The following RASA1 variants were observed in gnomAD, a reference collection of about 807,000 sequenced individuals.
RASA1 encodes the protein RAS p21 protein activator 1.
Under a neutral mutation model 132.2 loss-of-function variants are expected in RASA1, and 25 were observed. The observed-to-expected ratio is 0.19, with a 90% CI of 0.14 to 0.26. The LOEUF is 0.26. Among genes scored for constraint, RASA1 ranks in the 10% least tolerant of loss-of-function variants. The probability of loss-of-function intolerance (pLI) is 1.00; values close to 1 mark genes in which losing one functional copy is unlikely to be tolerated. For missense variants in RASA1, 964 were observed against 1,299.2 expected (o/e 0.74, Z 3.97); for synonymous variants, 477 against 449.9 (o/e 1.06, Z -0.76).
intron 1 of RASA1, among the ~76,000 whole-genome samples, chr5:87,281,812 C>T (rs1386554317): frequency 1.3e-5 from 2 of 152,082 alleles, no homozygotes; most frequent in Non-Finnish European, 2.9e-5. Context: ...AACTCCTGAC[C>T]TCAAGTAATC....
At chr5:87,337,833 A>T (rs1181406448) in intron 4 of RASA1, 141 bp from the exon 5 acceptor site, 8 of 834,006 alleles carry the variant, frequency 9.6e-6, no homozygotes, top group Non-Finnish European at 1.4e-5. Context: ...CAGAAATAGG[A>T]TACAAATTTA....
In RASA1 at chr5:87,391,461, G is replaced by A. The variant is rs1005187468; in HGVS notation, c.*578G>A. The A allele has an allele frequency of 8.3e-6, 2 of 240,882 alleles. No homozygotes were observed. Among genetic ancestry groups the A allele is most frequent in the African/African-American group, 4.4e-5 (2 of 45,288 alleles). The allele number at this position is 240,882 out of a possible 1,614,324, so 14.9% of individuals were successfully genotyped here. A position where few individuals can be genotyped will look rare whatever the true frequency, so the allele number is the denominator to read the frequency against. On this transcript the variant is annotated 3_prime_UTR_variant, in exon 25 of 25. Coordinates refer to ENST00000274376, the MANE Select transcript of RASA1 (RefSeq NM_002890.3). ...AAAATACTCTGCTATTTCTCTTGCT[G>A]GAACTGTTGAAAGAAAATATATAGA...
intron 1 of RASA1, among the ~76,000 whole-genome samples, chr5:87,313,687 TA>T (rs1756097176): frequency 6.6e-6 from 1 of 151,986 alleles, no homozygotes; most frequent in Non-Finnish European, 1.5e-5. Flanking sequence ...ATATTACAGA[TA>T]AGATAAAATG....
At chr5:87,309,504 T>C (rs1580226043) in intron 1 of RASA1, among the ~76,000 whole-genome samples, 1 of 152,226 alleles carries the variant, frequency 6.6e-6, no homozygotes, top group East Asian at 1.9e-4. Flanking sequence ...ACTGCCTTGC[T>C]CTTTTAAGTA....
chr5:87,354,856 C>T (rs528552077), intron 9 of RASA1, among the ~76,000 whole-genome samples: 12 of 152,246 alleles, frequency 7.9e-5, no homozygotes, highest in East Asian at 1.9e-4. Context: ...ACCCTTATTG[C>T]TGATATAGAG....
At chr5:87,274,517 T>G (rs901921417) in intron 1 of RASA1, among the ~76,000 whole-genome samples, 12 of 152,160 alleles carry the variant, frequency 7.9e-5, no homozygotes, top group Non-Finnish European at 1.6e-4. Context: ...TATTTTTTAC[T>G]GTATTTGTAT....
chr5:87,376,252 T>C, intron 15 of RASA1, 141 bp from the exon 16 acceptor site: 1 of 931,292 alleles, frequency 1.1e-6, no homozygotes, highest in Non-Finnish European at 1.6e-6. Flanking sequence ...AACTAAATAT[T>C]GAATTTGTGA....
intron 1 of RASA1, among the ~76,000 whole-genome samples, chr5:87,310,574 T>G (rs1370644875): frequency 1.3e-5 from 2 of 152,160 alleles, no homozygotes; most frequent in African/African-American, 4.8e-5. Context: ...TTCGTGATGG[T>G]CTTGTTTTTC....
intron 7 of RASA1, among the ~76,000 whole-genome samples, chr5:87,348,511 G>A (rs1211538873): frequency 6.6e-6 from 1 of 151,894 alleles, no homozygotes; most frequent in Non-Finnish European, 1.5e-5. Flanking sequence ...CCTTTCAGGA[G>A]CATACCTATT....
At chr5:87,370,902 A>G (rs988516168) in intron 12 of RASA1, among the ~76,000 whole-genome samples, 5 of 152,154 alleles carry the variant, frequency 3.3e-5, no homozygotes, top group Non-Finnish European at 5.9e-5. Context: ...ACTGAACGTC[A>G]TATTTCACAT....
At chr5:87,375,988 C>G (rs1761298905) in intron 15 of RASA1, among the ~76,000 whole-genome samples, 1 of 152,122 alleles carries the variant, frequency 6.6e-6, no homozygotes, top group Admixed American at 6.5e-5. Flanking sequence ...TTAGCTACAC[C>G]TCTAGATCTC....
At chr5:87,370,412 T>C (rs1166781515) in intron 12 of RASA1, among the ~76,000 whole-genome samples, 2 of 152,214 alleles carry the variant, frequency 1.3e-5, no homozygotes, top group Non-Finnish European at 2.9e-5. Flanking sequence ...TTATAGCGTC[T>C]ATTAAGTAAT....
At chr5:87,280,459 C>T (rs1480538391) in intron 1 of RASA1, among the ~76,000 whole-genome samples, 12 of 151,968 alleles carry the variant, frequency 7.9e-5, no homozygotes, top group African/African-American at 2.7e-4. Context: ...ATTACAGGCA[C>T]CTGCCACCAC....
rs114887864 is a variant in RASA1, at chr5:87,288,391, C to T, written c.539+19401C>T. ...GGCAGCAACGATGTCATCAAACCAA[C>T]TTGGAAAGAATTGTTTTCTCAGAGA... On this transcript the variant is annotated intron_variant, in intron 1 of 24. Transcript: ENST00000274376. Among the ~76,000 whole-genome samples the T allele has an allele frequency of 3.7e-3, 559 of 152,124 alleles. 5 individuals carry two copies. The highest frequency in any genetic ancestry group is 5.7e-3 in the Non-Finnish European group (389 of 67,960).
intron 1 of RASA1, chr5:87,318,906 T>C (rs1057497728): frequency 3.3e-5 from 5 of 152,190 alleles, no homozygotes; most frequent in Non-Finnish European, 5.9e-5. Context: ...GCCTGTAAAA[T>C]AAAAAACAAG....
At chr5:87,386,026 A>G (rs1326517581) in intron 22 of RASA1, among the ~76,000 whole-genome samples, 1 of 152,002 alleles carries the variant, frequency 6.6e-6, no homozygotes, top group Non-Finnish European at 1.5e-5. Context: ...GGCTTTTGCT[A>G]TGTGTTACAA....
At chr5:87,284,816 G>T (rs1242270666) in intron 1 of RASA1, among the ~76,000 whole-genome samples, 4 of 152,110 alleles carry the variant, frequency 2.6e-5, no homozygotes, top group Non-Finnish European at 5.9e-5. Context: ...TTAATATTAG[G>T]ATTCCTGAAT....
At position 87,330,021 on chromosome 5, in the gene RASA1, G is replaced by A. The variant is rs1228486243; in HGVS notation, c.540-1327G>A. ...AAGATTAGGATTTTAGAGGAATGCAGTATTGATTGTTCTTTCCCTTCTTCC... is the reference window on the plus strand; with the variant it reads ...AAGATTAGGATTTTAGAGGAATGCAATATTGATTGTTCTTTCCCTTCTTCC... On this transcript the variant is annotated intron_variant, in intron 1 of 24. Transcript: ENST00000274376. 3.3e-5 allele frequency among the ~76,000 whole-genome samples: 5 copies of A among 152,222 alleles called. No individual in the cohort carries two copies. In the East Asian group the frequency reaches 9.7e-4, roughly 29 times the overall value.
chr5:87,363,617 C>A, intron 11 of RASA1, 113 bp downstream of exon 11: 1 of 1,210,650 alleles, frequency 8.3e-7, no homozygotes, highest in Non-Finnish European at 1.2e-6. Context: ...GTAGCAGATG[C>A]ACTTTCTAGG....
Sources: gnomAD v4.1 joint callset for allele counts (sites outside exome capture counted in the v4.1 genomes callset) on GRCh38, gnomAD v4.1.1 for gene constraint, MANE v1.5 for transcripts, NCBI Gene and HGNC (gene_info 2026-07-23, HGNC 2026-07-21) for gene names.